CNGA1: variants seen among roughly 807,000 people sequenced by gnomAD.
CNGA1 encodes the protein cyclic nucleotide gated channel subunit alpha 1.
Under a neutral mutation model 69.7 loss-of-function variants are expected in CNGA1, and 53 were observed. That is an observed-to-expected ratio of 0.76 (90% confidence interval 0.61 to 0.96). The LOEUF is 0.96. Ranked by LOEUF, CNGA1 falls within the 40% of genes least tolerant of loss-of-function variation. The pLI, the probability that CNGA1 is intolerant of heterozygous loss-of-function variation, is 0.00. For synonymous variants in CNGA1, 249 were observed against 283.5 expected (o/e 0.88, Z 1.22); for missense variants, 739 against 811.2 (o/e 0.91, Z 1.08).
chr4:47,960,482 A>T (rs1740369979), intron 3 of CNGA1, among the ~76,000 whole-genome samples: 1 of 152,244 alleles, frequency 6.6e-6, no homozygotes, highest in Non-Finnish European at 1.5e-5. Flanking sequence ...TGGGATAGGC[A>T]ACACTTCTTA....
At chr4:47,956,243 G>A (rs1270463868) in intron 3 of CNGA1, among the ~76,000 whole-genome samples, 5 of 152,300 alleles carry the variant, frequency 3.3e-5, no homozygotes, top group African/African-American at 7.2e-5. Context: ...GCAGGGACAC[G>A]TTGGATATTC....
At chr4:48,007,357 A>C (rs1714966221) in intron 2 of CNGA1, among the ~76,000 whole-genome samples, 1 of 152,188 alleles carries the variant, frequency 6.6e-6, no homozygotes, top group Non-Finnish European at 1.5e-5. Context: ...GAGAAATTGA[A>C]CTTATTTTAT....
intron 1 of CNGA1, among the ~76,000 whole-genome samples, 160 bp downstream of exon 1, chr4:48,016,323 C>T (rs1715374666): frequency 1.3e-5 from 2 of 152,134 alleles, no homozygotes; most frequent in South Asian, 4.1e-4. Flanking sequence ...TGGCAATCGG[C>T]GCAGAACCCC....
At chr4:48,011,554 C>T (rs1333620803) in intron 1 of CNGA1, among the ~76,000 whole-genome samples, 2 of 152,080 alleles carry the variant, frequency 1.3e-5, no homozygotes, top group East Asian at 1.9e-4. Context: ...ATTTGAAGAG[C>T]TTTATTCTGA....
intron 2 of CNGA1, among the ~76,000 whole-genome samples, chr4:47,999,320 AGATAAAAGAGAGCTAT>A (rs1273230728): frequency 6.6e-6 from 1 of 152,240 alleles, no homozygotes; most frequent in Non-Finnish European, 1.5e-5. Context: ...TATTCCCTGC[AGATAAAAGAGAGCTAT>A]GATACTTTCA....
chr4:47,942,345 T>C (rs995632978), intron 8 of CNGA1, among the ~76,000 whole-genome samples, 197 bp from the exon 9 acceptor site: 13 of 139,390 alleles, frequency 9.3e-5, no homozygotes, highest in African/African-American at 2.7e-4. Flanking sequence ...GGTGGATAGA[T>C]AACAAAACTA....
At chr4:47,951,743 T>C (rs914961264) in intron 4 of CNGA1, among the ~76,000 whole-genome samples, 1 of 152,234 alleles carries the variant, frequency 6.6e-6, no homozygotes, top group Non-Finnish European at 1.5e-5. Flanking sequence ...TTGATGTTAA[T>C]ATTTATCAAA....
At chr4:47,957,309 T>C (rs1026522126) in intron 3 of CNGA1, among the ~76,000 whole-genome samples, 4 of 152,056 alleles carry the variant, frequency 2.6e-5, no homozygotes, top group African/African-American at 9.7e-5. Flanking sequence ...CATGGATCTT[T>C]TACTGAAGTG....
intron 2 of CNGA1, among the ~76,000 whole-genome samples, chr4:47,989,822 C>T (rs895024842): frequency 6.6e-6 from 1 of 151,658 alleles, no homozygotes; most frequent in African/African-American, 2.4e-5. Flanking sequence ...CCTGATTCCC[C>T]AAGTCCATTG....
intron 2 of CNGA1, among the ~76,000 whole-genome samples, chr4:48,003,103 CA>C (rs773094764): frequency 1.3e-5 from 2 of 152,138 alleles, no homozygotes; most frequent in Non-Finnish European, 2.9e-5. Context: ...GTGGTCAGAG[CA>C]TCACTGGGTT....
At position 47,937,382 on chromosome 4, in the gene CNGA1, C is replaced by G; in HGVS notation, c.1100G>C (p.Arg367Thr). ...TTIGETPPPV[R>T]DSEYVFVVVD... The stretch of plus-strand genomic sequence containing the variant: ...CACCACAAAGACATACTCAGAATCC[C>G]TCACGGGAGGGGGTGTTTCACCAAT... Residue 367 changes from arginine to threonine, a missense_variant, in exon 11 of 11, where the codon AGG (arginine) becomes ACG (threonine). Arg to Thr is a moderately conservative substitution (Grantham distance 71). Coordinates refer to ENST00000514170, the MANE Select transcript of CNGA1 (RefSeq NM_001379270.1). The G allele has an allele frequency of 6.2e-7, 1 of 1,614,156 alleles. No individual in the cohort carries two copies. Among genetic ancestry groups the G allele is most frequent in the Non-Finnish European group, 8.5e-7 (1 of 1,180,024 alleles).
At chr4:47,977,550 G>C (rs1741479104) in intron 3 of CNGA1, among the ~76,000 whole-genome samples, 1 of 152,072 alleles carries the variant, frequency 6.6e-6, no homozygotes, top group Non-Finnish European at 1.5e-5. Flanking sequence ...AATATAGAGA[G>C]CTTATCATCA....
intron 2 of CNGA1, among the ~76,000 whole-genome samples, chr4:48,006,189 T>C (rs962377595): frequency 7.2e-5 from 11 of 152,300 alleles, no homozygotes; most frequent in Admixed American, 5.9e-4. Flanking sequence ...TCTATTCTGA[T>C]GTCACAATCT....
At chr4:47,946,615 C>T (rs1739410594) in intron 6 of CNGA1, among the ~76,000 whole-genome samples, 1 of 152,130 alleles carries the variant, frequency 6.6e-6, no homozygotes. Flanking sequence ...AACCATGGGA[C>T]ATAAAAAGAA....
chr4:48,009,443 C>G (rs888924750), intron 2 of CNGA1, among the ~76,000 whole-genome samples: 1 of 131,116 alleles, frequency 7.6e-6, no homozygotes, highest in African/African-American at 2.9e-5. Context: ...CCAGCCTGGG[C>G]AACAGAGCCA....
chr4:47,943,534 A>G, intron 6 of CNGA1, 122 bp from the exon 7 acceptor site: 2 of 604,624 alleles, frequency 3.3e-6, no homozygotes, highest in Non-Finnish European at 5.5e-6. Context: ...CTCAAAACCC[A>G]TCTGGTCTCT....
At chr4:47,976,783 G>A (rs965963051) in intron 3 of CNGA1, among the ~76,000 whole-genome samples, 8 of 152,276 alleles carry the variant, frequency 5.3e-5, no homozygotes, top group Admixed American at 2.6e-4. Flanking sequence ...CAGCAGCATC[G>A]TGTAGGTTGC....
chr4:48,014,718 T>G (rs1715302272), intron 1 of CNGA1, among the ~76,000 whole-genome samples: 1 of 152,184 alleles, frequency 6.6e-6, no homozygotes, highest in Non-Finnish European at 1.5e-5. Flanking sequence ...ATAAAGCAAA[T>G]ATTTACAAAG....
At chr4:47,945,134 G>A (rs1183372187) in intron 6 of CNGA1, among the ~76,000 whole-genome samples, 6 of 152,004 alleles carry the variant, frequency 3.9e-5, no homozygotes, top group Admixed American at 6.6e-5. Flanking sequence ...AGGTTGAGGC[G>A]GGAGGATCAC....
Sources: gnomAD v4.1 joint callset for allele counts (sites outside exome capture counted in the v4.1 genomes callset) on GRCh38, gnomAD v4.1.1 for gene constraint, MANE v1.5 for transcripts, NCBI Gene and HGNC (gene_info 2026-07-23, HGNC 2026-07-21) for gene names.